Variants in CAMTA2 observed in about 807,000 individuals in gnomAD.
The protein encoded by CAMTA2 is calmodulin-binding transcription activator 2.
Under a neutral mutation model 135.7 loss-of-function variants are expected in CAMTA2, and 56 were observed. The ratio of observed to expected loss-of-function variants is 0.41; its 90% CI spans 0.33 to 0.52. CAMTA2 has a LOEUF of 0.52. Among genes scored for constraint, CAMTA2 ranks in the 20% least tolerant of loss-of-function variants. The probability of loss-of-function intolerance (pLI) is 0.16; values close to 1 mark genes in which losing one functional copy is unlikely to be tolerated. For synonymous variants in CAMTA2, 591 were observed against 604.6 expected (o/e 0.98, Z 0.33); for missense variants, 1,358 against 1,553.4 (o/e 0.87, Z 2.11).
intron 11 of CAMTA2, among the ~76,000 whole-genome samples, chr17:4,975,930 T>C (rs535683305): frequency 7.2e-5 from 11 of 152,344 alleles, no homozygotes; most frequent in African/African-American, 2.6e-4. Flanking sequence ...GATACACGTA[T>C]GTATGTGCCT....
rs563228732 is a variant in CAMTA2 at position 4,978,602 on chromosome 17, G to A, written c.1667C>T (p.Pro556Leu). The change falls in exon 10 of 23, where the codon CCT becomes CTT. Residue 556 changes from proline to leucine, a missense_variant. Pro to Leu is a moderately conservative substitution (Grantham distance 98). Transcript: ENST00000348066. ...GTAATGCTCGGCGGCTTCGGTCCAA[G>A]GACCTGTGATGAGCACCTTGACCCC... ...EGGVKVLITG[P>L]WTEAAEHYSC... 3.7e-6 allele frequency: 6 copies of A among 1,613,950 alleles called. No individual in the cohort carries two copies. The highest frequency in any genetic ancestry group is 5.1e-6 in the Non-Finnish European group (6 of 1,179,908).
intron 1 of CAMTA2, chr17:4,987,104 G>C (rs1292344424): frequency 7.3e-7 from 1 of 1,373,258 alleles, no homozygotes; most frequent in Non-Finnish European, 9.3e-7. Context: ...AGTGAAGCTG[G>C]GGTTGGGGTA....
In CAMTA2 at chr17:4,972,878, A is replaced by G. The variant is rs1315210414; in HGVS notation, c.2394T>C (p.His798=). ...GGGCAAGGCGCACATGACCCCGGGA[A>G]TGAGCCACAGACAATGGCAGACGGC... The part of the protein sequence containing the change: ...SLGRLPLSVA[H]SRGHVRLARC... The change falls in exon 15 of 23, where the codon CAT becomes CAC. Residue 798 remains histidine (H), a synonymous_variant. Transcript: ENST00000348066. 6 of 1,613,934 alleles carry G rather than the reference A, an allele frequency of 3.7e-6. No individual in the cohort carries two copies. Among genetic ancestry groups the G allele is most frequent in the Non-Finnish European group, 5.1e-6 (6 of 1,180,016 alleles).
intron 3 of CAMTA2, 93 bp downstream of exon 3, chr17:4,985,787 A>C: frequency 1.3e-6 from 1 of 797,366 alleles, no homozygotes; most frequent in Non-Finnish European, 2.3e-6. Context: ...CTCTGCACTT[A>C]GGAGTGTTGA....
intron 16 of CAMTA2, among the ~76,000 whole-genome samples, chr17:4,971,514 A>C (rs1166238315): frequency 6.6e-6 from 1 of 152,016 alleles, no homozygotes; most frequent in Admixed American, 6.5e-5. Flanking sequence ...TATTTTTAAA[A>C]AATTATTTTG....
intron 12 of CAMTA2, 152 bp downstream of exon 12, chr17:4,974,233 G>A (rs1972476679): frequency 3.3e-6 from 2 of 613,640 alleles, no homozygotes; most frequent in Non-Finnish European, 5.9e-6. Flanking sequence ...CACAAGGTGG[G>A]GATGGGAACA....
In CAMTA2 at chr17:4,973,157, G is replaced by T; in HGVS notation, c.2280+18C>A. 1 of 1,609,810 alleles carries T rather than the reference G, an allele frequency of 6.2e-7. No individual in the cohort carries two copies. Among genetic ancestry groups the T allele is most frequent in the African/African-American group, 1.3e-5 (1 of 74,566 alleles). ...TTGCTCCCTGCCCCATATGCGCTCAGGAATCCGTCATCCTCACCAGAGGGG... is the reference window on the plus strand; with the variant it reads ...TTGCTCCCTGCCCCATATGCGCTCATGAATCCGTCATCCTCACCAGAGGGG... On this transcript the variant is annotated intron_variant, in intron 14 of 22. Coordinates refer to ENST00000348066, the MANE Select transcript of CAMTA2 (RefSeq NM_015099.4).
Position 4,981,322 on chromosome 17 carries a change from T to C in CAMTA2, c.603A>G (p.Glu201=), listed in dbSNP as rs1435741162. The C allele has an allele frequency of 6.2e-7, 1 of 1,614,114 alleles. No homozygotes were observed. The highest frequency in any genetic ancestry group is 8.5e-7 in the Non-Finnish European group (1 of 1,179,976). ...GIKWSCGNGT[E]EFSVEHLVQQ... ...GCACCAGGTGTTCTACAGAGAACTC[T>C]TCTGTTCCATTCCCGCAGCTCCACT... The change falls in exon 8 of 23, where the codon GAA becomes GAG. Residue 201 remains glutamate, a synonymous_variant. Transcript: ENST00000348066.
chr17:4,973,541 T>C (rs1338601696), intron 13 of CAMTA2, 44 bp downstream of exon 13: 3 of 1,562,594 alleles, frequency 1.9e-6, no homozygotes, highest in Non-Finnish European at 2.6e-6. Flanking sequence ...CTGACACTTC[T>C]GTCCCAGAGG....
chr17:4,980,632 G>T lies in CAMTA2; in HGVS notation c.701-11C>A. Reference sequence around the variant, plus strand: ...TAAGGCTCCCAGAACCTGGAGTGGAGAGGAGTAGGAGGGAGAGGAGATAAG... The same window carrying T: ...TAAGGCTCCCAGAACCTGGAGTGGATAGGAGTAGGAGGGAGAGGAGATAAG... On this transcript the variant is annotated splice_polypyrimidine_tract_variant and intron_variant, in intron 8 of 22. Coordinates refer to ENST00000348066, the MANE Select transcript of CAMTA2 (RefSeq NM_015099.4). This position sits in a 1 kb window ranked among gnomAD's most constrained non-coding sequence, Gnocchi z 5.3. 1 of 1,605,978 alleles carries T rather than the reference G, an allele frequency of 6.2e-7. No homozygotes were observed. The highest frequency in any genetic ancestry group is 8.5e-7 in the Non-Finnish European group (1 of 1,172,948).
At chr17:4,987,463 G>A (rs1185486791) in intron 1 of CAMTA2, 130 bp downstream of exon 1, 2 of 1,387,978 alleles carry the variant, frequency 1.4e-6, no homozygotes, top group Non-Finnish European at 1.9e-6. Context: ...GAGGAGGACG[G>A]AAGCGGGAGG....
rs1460712400 is a variant in CAMTA2 at position 4,968,515 on chromosome 17, A to AT, written c.*240dup. On this transcript the variant is annotated 3_prime_UTR_variant, in exon 23 of 23. Coordinates refer to ENST00000348066, the MANE Select transcript of CAMTA2 (RefSeq NM_015099.4). ...AGGGCTCCGGAGGTCACAGCGGAAGATGCAGGTATGTGGGGCGCGGGTTTT... is the reference window on the plus strand; with the variant it reads ...AGGGCTCCGGAGGTCACAGCGGAAGATTGCAGGTATGTGGGGCGCGGGTTTT... 2 of 582,470 alleles carry AT rather than the reference A, an allele frequency of 3.4e-6. No homozygotes were observed. The highest frequency in any genetic ancestry group is 6.2e-6 in the Non-Finnish European group (2 of 325,062). 36.1% of individuals were successfully genotyped at this position (582,470 alleles called of 1,614,324 possible). A position where few individuals can be genotyped will look rare whatever the true frequency, so the allele number is the denominator to read the frequency against.
intron 3 of CAMTA2, 32 bp downstream of exon 3, chr17:4,985,848 C>T: frequency 6.9e-7 from 1 of 1,458,254 alleles, no homozygotes; most frequent in Non-Finnish European, 9.6e-7. Flanking sequence ...CTAGGTCTTG[C>T]TGGGCCCCAA....
intron 3 of CAMTA2, chr17:4,983,642 G>A (rs1973097101): frequency 6.6e-6 from 1 of 152,064 alleles, no homozygotes; most frequent in African/African-American, 2.4e-5. Context: ...GGAGTGCAAT[G>A]GCATGATCTC....
chr17:4,975,787 T>C (rs1972575254), intron 11 of CAMTA2, among the ~76,000 whole-genome samples: 5 of 151,324 alleles, frequency 3.3e-5, no homozygotes, highest in South Asian at 4.3e-4. Flanking sequence ...GAGGAAGAGA[T>C]AGAGAAAAGC....
At chr17:4,978,749 G>A (rs1256539452) in intron 9 of CAMTA2, 119 bp from the exon 10 acceptor site, 7 of 1,173,592 alleles carry the variant, frequency 6.0e-6, no homozygotes, top group African/African-American at 1.5e-5. Flanking sequence ...TAGAGTCTGG[G>A]GGTCCAGGGA....
chr17:4,978,262 T>C (rs1248796728), intron 10 of CAMTA2, among the ~76,000 whole-genome samples: 2 of 152,214 alleles, frequency 1.3e-5, no homozygotes, highest in African/African-American at 4.8e-5. Flanking sequence ...ATCAGACTCA[T>C]CTGAGGTCAC....
At chr17:4,979,499 A>T in intron 9 of CAMTA2, 185 bp downstream of exon 9, 1 of 450,932 alleles carries the variant, frequency 2.2e-6, no homozygotes, top group South Asian at 3.9e-5. Flanking sequence ...AACAAGAGCG[A>T]AACTGTCTCA....
At chr17:4,973,052 C>A (rs1972401638) in intron 14 of CAMTA2, 61 bp from the exon 15 acceptor site, 4 of 1,529,032 alleles carry the variant, frequency 2.6e-6, no homozygotes, top group Non-Finnish European at 3.6e-6. Context: ...GGCTCTTCCT[C>A]CAGGTAGTCA....
Sources: allele counts gnomAD v4.1 joint callset (sites outside exome capture counted in the v4.1 genomes callset), GRCh38; gene constraint gnomAD v4.1.1; non-coding constraint Gnocchi (gnomAD v3.1); transcripts MANE v1.5; gene names NCBI Gene and HGNC (gene_info 2026-07-23, HGNC 2026-07-21).